The following FREM2 variants were observed in gnomAD, a reference collection of about 807,000 sequenced individuals.
FREM2 encodes FRAS1 related extracellular matrix 2, also known as FRAS1-related extracellular matrix protein 2.
A neutral mutation model predicts 219.9 loss-of-function variants in FREM2; 119 were observed. The ratio of observed to expected loss-of-function variants is 0.54; its 90% CI spans 0.47 to 0.63. The LOEUF (loss-of-function observed/expected upper bound fraction) is 0.63. FREM2 is among the 30% of genes least tolerant of loss of function. The pLI, the probability that FREM2 is intolerant of heterozygous loss-of-function variation, is 0.00. For missense variants in FREM2, 4,030 were observed against 3,993.6 expected (o/e 1.01, Z -0.25); for synonymous variants, 1,562 against 1,522.8 (o/e 1.03, Z -0.60).
At chr13:38,847,120 G>T (rs933160938) in intron 7 of FREM2, among the ~76,000 whole-genome samples, 2 of 152,090 alleles carry the variant, frequency 1.3e-5, no homozygotes, top group Admixed American at 6.6e-5. Context: ...TGTGTCTTCA[G>T]TTGGCTGTCT....
At chr13:38,877,338 C>T in intron 21 of FREM2, 95 bp downstream of exon 21, 1 of 1,356,332 alleles carries the variant, frequency 7.4e-7, no homozygotes, top group Non-Finnish European at 1.1e-6. Flanking sequence ...CAAATTATAG[C>T]TTTTTTTATG....
chr13:38,806,170 C>G (rs1368504324), intron 6 of FREM2, among the ~76,000 whole-genome samples: 1 of 151,830 alleles, frequency 6.6e-6, no homozygotes, highest in African/African-American at 2.4e-5. Flanking sequence ...AGAGACTTCT[C>G]CATGTTTCAC....
chr13:38,815,799 G>A (rs950264290), intron 6 of FREM2, among the ~76,000 whole-genome samples: 4 of 152,152 alleles, frequency 2.6e-5, no homozygotes, highest in Non-Finnish European at 5.9e-5. Context: ...TTAACAACCA[G>A]CTTTGGGGAG....
chr13:38,828,978 G>A (rs1461127973), intron 6 of FREM2, among the ~76,000 whole-genome samples: 7 of 151,920 alleles, frequency 4.6e-5, no homozygotes, highest in African/African-American at 1.7e-4. Flanking sequence ...ATTACATTCA[G>A]TTTTAGATGT....
At chr13:38,826,277 G>T (rs918904866) in intron 6 of FREM2, among the ~76,000 whole-genome samples, 3 of 152,104 alleles carry the variant, frequency 2.0e-5, no homozygotes, top group African/African-American at 7.2e-5. Context: ...GATCAAATTG[G>T]ATATTGCAGA....
chr13:38,708,693 CCTT>C (rs1263984932), intron 2 of FREM2, among the ~76,000 whole-genome samples: 2 of 152,026 alleles, frequency 1.3e-5, no homozygotes, highest in Non-Finnish European at 2.9e-5. Flanking sequence ...GTCTTTCCTC[CCTT>C]CTTCTGCCAT....
intron 2 of FREM2, among the ~76,000 whole-genome samples, chr13:38,741,316 G>C (rs1453593178): frequency 6.6e-6 from 1 of 152,102 alleles, no homozygotes. Flanking sequence ...AGTTGAGTAG[G>C]TGCCAGGAGT....
rs746214708 is a variant in FREM2 at position 38,689,543 on chromosome 13, A to G, written c.2199A>G (p.Thr733=). The G allele has an allele frequency of 6.2e-7, 1 of 1,613,922 alleles. No homozygotes were observed. Among genetic ancestry groups the G allele is most frequent in the South Asian group, 1.1e-5 (1 of 91,050 alleles). ...GGCTGCGCTACACTGACCTGGACAC[A>G]GATGACCGAGAACTACGTTACACAG... The part of the protein sequence containing the change: ...KKWLRYTDLD[T]DDRELRYTVT... The change falls in exon 1 of 24, where the codon ACA becomes ACG. Residue 733 remains threonine, a synonymous_variant. Transcript: ENST00000280481.
chr13:38,813,521 CTCTCTCTCTCTCTCT>C, intron 6 of FREM2, among the ~76,000 whole-genome samples: 1 of 5,610 alleles, frequency 1.8e-4, no homozygotes, highest in African/African-American at 5.2e-4. Context: ...TCTCTCTCCT[CTCTCTCTCTCTCTCT>C]CTCTCTCTCT....
At position 38,881,243 on chromosome 13, in the gene FREM2, T is replaced by C. The variant is rs192504306; in HGVS notation, c.*456T>C. The C allele has an allele frequency of 1.1e-3, 242 of 228,060 alleles. 1 individual carries two copies. The highest frequency in any genetic ancestry group is 5.2e-3 in the African/African-American group (228 of 43,484). The allele number at this position is 228,060 out of a possible 1,614,324, so 14.1% of individuals were successfully genotyped here. A position where few individuals can be genotyped will look rare whatever the true frequency, so the allele number is the denominator to read the frequency against. ...GGTTTTTGTTGCTAGTCTGGAAAAC[T>C]GGTGAACACACTGTTTATTATGACA... On this transcript the variant is annotated 3_prime_UTR_variant, in exon 24 of 24. Coordinates refer to ENST00000280481, the MANE Select transcript of FREM2 (RefSeq NM_207361.6).
intron 2 of FREM2, among the ~76,000 whole-genome samples, chr13:38,760,947 A>G (rs1873204236): frequency 6.6e-6 from 1 of 152,202 alleles, no homozygotes; most frequent in South Asian, 2.1e-4. Flanking sequence ...TTGCTGTTTT[A>G]TAAAAACTGA....
chr13:38,861,195 T>C lies in FREM2; in HGVS notation c.7520-236T>C, dbSNP rs1593450926. On this transcript the variant is annotated intron_variant, in intron 14 of 23. Coordinates refer to ENST00000280481, the MANE Select transcript of FREM2 (RefSeq NM_207361.6). ...TTACATTGAATGGTAACAAATTTTT[T>C]CTCAAAGTTTGAACAATCCATAAAT... 2.0e-5 allele frequency among the ~76,000 whole-genome samples: 3 copies of C among 152,324 alleles called. No individual in the cohort carries two copies. In the South Asian group the frequency reaches 6.2e-4, roughly 32 times the overall value.
Position 38,691,186 on chromosome 13 carries a change from T to A in FREM2, c.3842T>A (p.Leu1281Gln), listed in dbSNP as rs1254938203. The A allele has an allele frequency of 6.2e-7, 1 of 1,614,086 alleles. No individual in the cohort carries two copies. The highest frequency in any genetic ancestry group is 1.7e-5 in the Admixed American group (1 of 60,010). The change falls in exon 1 of 24, where the codon CTA (leucine) becomes CAA (glutamine). Residue 1281 changes from leucine to glutamine, a missense_variant. Transcript: ENST00000280481. ...ETQEDSFVIK[L>Q]TDGKHSVEKT... is the part of the protein sequence containing the mutation. ...CAGGAAGACAGTTTTGTGATTAAAC[T>A]AACAGATGGGAAGCACTCTGTGGAA...
At chr13:38,730,173 G>A (rs767471356) in intron 2 of FREM2, among the ~76,000 whole-genome samples, 8 of 152,154 alleles carry the variant, frequency 5.3e-5, no homozygotes, top group Non-Finnish European at 1.0e-4. Context: ...TAGATGCAGC[G>A]TGAAGCGGCC....
intron 2 of FREM2, among the ~76,000 whole-genome samples, chr13:38,727,785 T>C (rs1303455182): frequency 6.6e-6 from 1 of 151,688 alleles, no homozygotes; most frequent in East Asian, 1.9e-4. Flanking sequence ...CTTCAGCTTT[T>C]TTTCTGTTTT....
chr13:38,784,209 G>A (rs547341068), intron 5 of FREM2, among the ~76,000 whole-genome samples: 1 of 152,370 alleles, frequency 6.6e-6, no homozygotes, highest in South Asian at 2.1e-4. Flanking sequence ...GAGTGGTTGA[G>A]AGGATTAAGG....
chr13:38,699,030 T>TA (rs553715956), intron 2 of FREM2, among the ~76,000 whole-genome samples: 1 of 151,960 alleles, frequency 6.6e-6, no homozygotes, highest in Non-Finnish European at 1.5e-5. Flanking sequence ...AATCAACTCA[T>TA]AAAAAAAACC....
chr13:38,787,384 A>G (rs1449014705), intron 6 of FREM2, among the ~76,000 whole-genome samples: 1 of 152,130 alleles, frequency 6.6e-6, no homozygotes, highest in Non-Finnish European at 1.5e-5. Flanking sequence ...TTTTCATCTC[A>G]GATGCAGATT....
intron 6 of FREM2, among the ~76,000 whole-genome samples, chr13:38,831,152 C>T (rs952547191): frequency 3.9e-5 from 6 of 152,108 alleles, no homozygotes; most frequent in Admixed American, 2.0e-4. Context: ...TCTTCTTCCT[C>T]ATATATGGGG....
Sources: allele counts gnomAD v4.1 joint callset (sites outside exome capture counted in the v4.1 genomes callset), GRCh38; gene constraint gnomAD v4.1.1; transcripts MANE v1.5; gene names NCBI Gene and HGNC (gene_info 2026-07-23, HGNC 2026-07-21).